The following PSD2 variants were observed in gnomAD, a reference collection of about 807,000 sequenced individuals.
PSD2 encodes the protein PH and SEC7 domain-containing protein 2.
Under a neutral mutation model 69.8 loss-of-function variants are expected in PSD2, and 38 were observed. The observed-to-expected ratio is 0.54, with a 90% CI of 0.42 to 0.71. The LOEUF is 0.71. Ranked by LOEUF, PSD2 falls within the 30% of genes least tolerant of loss-of-function variation. The probability of loss-of-function intolerance (pLI) is 0.00; values close to 1 mark genes in which losing one functional copy is unlikely to be tolerated. For synonymous variants in PSD2, 412 were observed against 423.0 expected (o/e 0.97, Z 0.32); for missense variants, 943 against 1,014.5 (o/e 0.93, Z 0.96).
the PSD2 span, among the ~76,000 whole-genome samples, chr5:139,743,014 G>T: frequency 6.6e-6 from 1 of 152,254 alleles, no homozygotes; most frequent in Non-Finnish European, 1.5e-5. Context: ...CTGTGGCCCT[G>T]TGGGGGCTCA....
intron 7 of PSD2, among the ~76,000 whole-genome samples, chr5:139,830,554 C>CTTCCTTCCTTCT (rs1760552123): frequency 7.4e-6 from 1 of 135,168 alleles, no homozygotes; most frequent in African/African-American, 3.2e-5. Flanking sequence ...TCCTTCCTTC[C>CTTCCTTCCTTCT]TTCCTTCCTT....
the PSD2 span, among the ~76,000 whole-genome samples, chr5:139,762,646 C>A: frequency 6.6e-6 from 1 of 152,186 alleles, no homozygotes; most frequent in Non-Finnish European, 1.5e-5. Context: ...TCACCCTCTT[C>A]TAGCTTGGCC....
chr5:139,825,977 C>T (rs939610414), intron 7 of PSD2, among the ~76,000 whole-genome samples: 1 of 152,266 alleles, frequency 6.6e-6, no homozygotes, highest in East Asian at 1.9e-4. Flanking sequence ...CCAGGGATGT[C>T]GGAGGAAACT....
chr5:139,764,021 G>C, the PSD2 span, among the ~76,000 whole-genome samples: 1 of 152,334 alleles, frequency 6.6e-6, no homozygotes, highest in African/African-American at 2.4e-5. Context: ...CTGGTGAATA[G>C]ATGAGCTCTC....
chr5:139,829,452 A>G (rs1173301751), intron 7 of PSD2, among the ~76,000 whole-genome samples: 1 of 152,188 alleles, frequency 6.6e-6, no homozygotes, highest in African/African-American at 2.4e-5. Context: ...CATCTTCATC[A>G]CAACAAAAGG....
chr5:139,767,583 G>A, the PSD2 span, among the ~76,000 whole-genome samples: 1 of 152,306 alleles, frequency 6.6e-6, no homozygotes, highest in South Asian at 2.1e-4. Context: ...CCAGAGTGCT[G>A]GGATTACAGA....
At position 139,813,524 on chromosome 5, in the gene PSD2, C is replaced by T; in HGVS notation, c.587C>T (p.Ala196Val). Residue 196 changes from alanine (A) to valine (V), a missense_variant, in exon 3 of 15, where the codon GCT (alanine) becomes GTT (valine). This residue lies in a region of PSD2 where 466 missense variants were observed against 445.0 expected (regional missense o/e 1.05). Coordinates refer to ENST00000274710, the MANE Select transcript of PSD2 (RefSeq NM_032289.4). ...GCCCGTGACAGCCCTGAGCCAGGGG[C>T]TGGGTTGGGCATTGGGGACATGGCG... ...QRARDSPEPGAGLGIGDMAFE... is the reference protein window; with the variant it reads ...QRARDSPEPGVGLGIGDMAFE... 1 of 1,610,536 alleles carries T rather than the reference C, an allele frequency of 6.2e-7. No individual in the cohort carries two copies. Among genetic ancestry groups the T allele is most frequent in the Non-Finnish European group, 8.5e-7 (1 of 1,177,152 alleles).
At chr5:139,808,276 G>A (rs901210765) in intron 1 of PSD2, among the ~76,000 whole-genome samples, 1 of 152,244 alleles carries the variant, frequency 6.6e-6, no homozygotes, top group African/African-American at 2.4e-5. Flanking sequence ...GGGGCAGACA[G>A]GGGAGGAGGG....
intron 5 of PSD2, among the ~76,000 whole-genome samples, chr5:139,819,953 T>C (rs1760216382): frequency 6.6e-6 from 1 of 152,128 alleles, no homozygotes; most frequent in South Asian, 2.1e-4. Context: ...AAGCAACATT[T>C]TGGAAGCAAA....
intron 1 of PSD2, among the ~76,000 whole-genome samples, chr5:139,808,729 G>A (rs1759872225): frequency 6.6e-6 from 1 of 152,222 alleles, no homozygotes; most frequent in African/African-American, 2.4e-5. Flanking sequence ...GGCTCTCTGA[G>A]AGGCTCCCGG....
At chr5:139,789,007 C>G in the PSD2 span, among the ~76,000 whole-genome samples, 1 of 152,196 alleles carries the variant, frequency 6.6e-6, no homozygotes, top group Non-Finnish European at 1.5e-5. Flanking sequence ...TGGTGGGTCA[C>G]GTTGTCCTCG....
chr5:139,749,640 T>C, the PSD2 span, among the ~76,000 whole-genome samples: 1 of 152,234 alleles, frequency 6.6e-6, no homozygotes, highest in Non-Finnish European at 1.5e-5. Flanking sequence ...TTTCTGCAGT[T>C]GTCCCCTGAT....
chr5:139,796,666 GC>G (rs1164303702), intron 1 of PSD2, among the ~76,000 whole-genome samples: 1 of 152,202 alleles, frequency 6.6e-6, no homozygotes, highest in African/African-American at 2.4e-5. Flanking sequence ...TGCCCAGCGG[GC>G]CCCCTCGGAG....
chr5:139,779,374 T>C, the PSD2 span, among the ~76,000 whole-genome samples: 1 of 152,192 alleles, frequency 6.6e-6, no homozygotes, highest in Non-Finnish European at 1.5e-5. Flanking sequence ...TTTTCTAATT[T>C]ATTTTAGTGC....
chr5:139,817,530 T>C lies in PSD2; in HGVS notation c.1066T>C (p.Phe356Leu). ...CGGGGAGTACCTCAGTTTCTTCGACTTCTCGGGCTTGACTCTGGACGGAGC... is the reference window on the plus strand; with the variant it reads ...CGGGGAGTACCTCAGTTTCTTCGACCTCTCGGGCTTGACTCTGGACGGAGC... ...VAGEYLSFFD[F>L]SGLTLDGALR... Residue 356 changes from phenylalanine (F) to leucine (L), a missense_variant, in exon 5 of 15, where the codon TTC (phenylalanine) becomes CTC (leucine). Phe to Leu is a conservative substitution (Grantham distance 22). Around this residue, in one of 3 missense-constraint regions of PSD2, gnomAD observed 312 missense variants for 400.7 expected, o/e 0.78. Transcript: ENST00000274710. The C allele has an allele frequency of 1.2e-6, 2 of 1,614,188 alleles. No homozygotes were observed. The highest frequency in any genetic ancestry group is 1.1e-5 in the South Asian group (1 of 91,076).
chr5:139,830,521 T>TCTTTCTTCCTTCCTTCCTTCCTTC (rs1760548082), intron 7 of PSD2, among the ~76,000 whole-genome samples: 1 of 96,980 alleles, frequency 1.0e-5, no homozygotes, highest in Non-Finnish European at 2.0e-5. Flanking sequence ...CAGCTAATTT[T>TCTTTCTTCCTTCCTTCCTTCCTTC]CTTCCTTCCT....
chr5:139,775,800 C>G, the PSD2 span, among the ~76,000 whole-genome samples: 1 of 152,268 alleles, frequency 6.6e-6, no homozygotes, highest in African/African-American at 2.4e-5. Context: ...TCCCAAGTCG[C>G]TGGAATTATA....
At chr5:139,758,914 A>AGGGTCCCCTTCTTGCCGCTGGGAGGTT in the PSD2 span, among the ~76,000 whole-genome samples, 2,248 of 152,196 alleles carry the variant, frequency 0.015, 62 homozygotes, top group African/African-American at 0.051. Context: ...GCCTTCGCCC[A>AGGGTCCCCTTCTTGCCGCTGGGAGGTT]GGGTCCCCTT....
chr5:139,809,834 G>A, intron 2 of PSD2, 23 bp downstream of exon 2: 1 of 1,611,584 alleles, frequency 6.2e-7, no homozygotes, highest in Non-Finnish European at 8.5e-7. Context: ...CTTGGGATGG[G>A]AGCTCACCAC....
Sources: gnomAD v4.1 joint callset for allele counts (sites outside exome capture counted in the v4.1 genomes callset) on GRCh38, gnomAD v4.1.1 for gene constraint, gnomAD v4.1.1 regional missense constraint, MANE v1.5 for transcripts, NCBI Gene and HGNC (gene_info 2026-07-23, HGNC 2026-07-21) for gene names.